NFIA: variants seen among roughly 807,000 people sequenced by gnomAD.
The protein encoded by NFIA is nuclear factor 1 A-type.
In NFIA, 8 loss-of-function variants were observed where a neutral mutation model predicts 62.8. That is an observed-to-expected ratio of 0.13 (90% CI 0.07 to 0.23). The LOEUF is 0.23. Ranked by LOEUF, NFIA falls within the 10% of genes least tolerant of loss-of-function variation. NFIA has a pLI of 1.00. For synonymous variants in NFIA, 235 were observed against 238.1 expected (o/e 0.99, Z 0.12); for missense variants, 410 against 642.1 (o/e 0.64, Z 3.91).
chr1:61,094,111 G>A (rs1441094781), intron 2 of NFIA, among the ~76,000 whole-genome samples: 1 of 152,198 alleles, frequency 6.6e-6, no homozygotes, highest in East Asian at 1.9e-4. Context: ...TGCAGATTGA[G>A]TTCAGTGAAT....
chr1:61,361,782 G>GGTGTGTGT (rs61410878), intron 6 of NFIA, among the ~76,000 whole-genome samples: 195 of 142,264 alleles, frequency 1.4e-3, no homozygotes, highest in African/African-American at 1.8e-3. Flanking sequence ...TTTGGTAAGA[G>GGTGTGTGT]GTGTGTGTGT....
chr1:61,160,188 G>C (rs1290623301), intron 2 of NFIA, among the ~76,000 whole-genome samples: 1 of 152,098 alleles, frequency 6.6e-6, no homozygotes, highest in Non-Finnish European at 1.5e-5. Context: ...CATCTCCCCT[G>C]GTCCCCTGTT....
chr1:61,306,328 G>A (rs1207942931), intron 3 of NFIA, among the ~76,000 whole-genome samples: 1 of 128,032 alleles, frequency 7.8e-6, no homozygotes, highest in Admixed American at 9.9e-5. Flanking sequence ...CCAGGCTGGA[G>A]TGCAGTGAAG....
intron 2 of NFIA, among the ~76,000 whole-genome samples, chr1:61,099,249 G>A (rs1043343274): frequency 7.2e-5 from 11 of 152,192 alleles, no homozygotes; most frequent in African/African-American, 2.7e-4. Context: ...TCTTGGAGGT[G>A]CTGGAGTGGG....
chr1:61,191,051 T>C (rs1651580113), intron 2 of NFIA, among the ~76,000 whole-genome samples: 1 of 152,118 alleles, frequency 6.6e-6, no homozygotes, highest in East Asian at 1.9e-4. Flanking sequence ...TTTTTTTTTT[T>C]TCAAGCAAGC....
In NFIA at chr1:61,367,584, G is replaced by A. The variant is rs80267365; in HGVS notation, c.946+8310G>A. ...CAGTAACAAGGGGCCTCTTCTTTAC[G>A]AACCCTTCTTTATCAGAGAAATTTC... is the stretch of plus-strand genomic sequence containing the variant. On this transcript the variant is annotated intron_variant, in intron 6 of 10. Transcript: ENST00000403491. Among the ~76,000 whole-genome samples the A allele has an allele frequency of 2.6e-3, 390 of 152,220 alleles. 3 individuals carry two copies. The highest frequency in any genetic ancestry group is 9.0e-3 in the African/African-American group (375 of 41,514).
At chr1:61,415,279 A>G (rs929597471) in intron 9 of NFIA, among the ~76,000 whole-genome samples, 2 of 152,182 alleles carry the variant, frequency 1.3e-5, no homozygotes, top group Non-Finnish European at 2.9e-5. Context: ...AAGAAAATAC[A>G]GGGCAAATTT....
chr1:61,243,125 A>G lies in NFIA; in HGVS notation c.560-34395A>G, dbSNP rs191096504. 4.4e-3 allele frequency among the ~76,000 whole-genome samples: 675 copies of G among 152,288 alleles called. 10 individuals carry two copies. Among genetic ancestry groups the G allele is most frequent in the African/African-American group, 0.016 (650 of 41,558 alleles). ...GTAAGCAATTGTCAACCAAGGCCCA[A>G]TCATTCAATAGGTAAAACCAAATGT... On this transcript the variant is annotated intron_variant, in intron 2 of 10. Transcript: ENST00000403491.
upstream of NFIA, among the ~76,000 whole-genome samples, chr1:61,078,036 T>G (rs1487583638): frequency 6.6e-6 from 1 of 152,052 alleles, no homozygotes; most frequent in Non-Finnish European, 1.5e-5. Flanking sequence ...GGAGAATAAT[T>G]GACGATTTGA....
intron 2 of NFIA, among the ~76,000 whole-genome samples, chr1:61,221,357 A>C (rs1654007458): frequency 6.6e-6 from 1 of 152,130 alleles, no homozygotes; most frequent in South Asian, 2.1e-4. Context: ...TGCTTCCAGA[A>C]AGATAATTTG....
intron 10 of NFIA, among the ~76,000 whole-genome samples, chr1:61,445,441 C>A (rs1667765178): frequency 6.6e-6 from 1 of 152,086 alleles, no homozygotes; most frequent in Non-Finnish European, 1.5e-5. Flanking sequence ...GGAAATAAAT[C>A]TGAACATAAA....
At chr1:61,451,874 C>T (rs566160159) in intron 10 of NFIA, among the ~76,000 whole-genome samples, 1 of 152,262 alleles carries the variant, frequency 6.6e-6, no homozygotes, top group South Asian at 2.1e-4. Context: ...GAAACCTAAG[C>T]TTATGTCACT....
intron 2 of NFIA, among the ~76,000 whole-genome samples, chr1:61,214,265 C>G (rs557478147): frequency 4.6e-5 from 7 of 151,970 alleles, no homozygotes; most frequent in African/African-American, 1.7e-4. Context: ...ATGTTCCTTG[C>G]TGGAAGTTGC....
intron 7 of NFIA, among the ~76,000 whole-genome samples, chr1:61,389,999 C>G (rs528523620): frequency 1.3e-5 from 2 of 152,196 alleles, no homozygotes; most frequent in East Asian, 3.9e-4. Flanking sequence ...GTAGAGTGAA[C>G]AAGAGAAGCA....
chr1:61,460,305 C>T lies in NFIA; in HGVS notation c.*4985C>T, dbSNP rs1355314868. ...TAAAAAAGCAGTGGGATGAAAATTG[C>T]TTTGATATATAGCAGGTAACATTGA... is the stretch of plus-strand genomic sequence containing the variant. On this transcript the variant is annotated 3_prime_UTR_variant, in exon 11 of 11. Coordinates refer to ENST00000403491, the MANE Select transcript of NFIA (RefSeq NM_001134673.4). The T allele has an allele frequency of 6.6e-6, 1 of 151,888 alleles. No homozygotes were observed. Among genetic ancestry groups the T allele is most frequent in the Non-Finnish European group, 1.5e-5 (1 of 67,954 alleles). 9.4% of individuals were successfully genotyped at this position (151,888 alleles called of 1,614,324 possible). A position where few individuals can be genotyped will look rare whatever the true frequency, so the allele number is the denominator to read the frequency against.
intron 4 of NFIA, among the ~76,000 whole-genome samples, chr1:61,341,248 A>G (rs942939748): frequency 1.3e-5 from 2 of 151,682 alleles, no homozygotes; most frequent in African/African-American, 4.8e-5. Flanking sequence ...TATTTTTAGT[A>G]GAGACGGGGT....
chr1:61,082,537 G>C (rs1242164893), upstream of NFIA: 3 of 1,421,638 alleles, frequency 2.1e-6, no homozygotes, highest in Admixed American at 5.6e-5. Flanking sequence ...GGCATGTATA[G>C]TGGAGTGTAG....
chr1:61,276,220 T>A (rs919012964), intron 2 of NFIA, among the ~76,000 whole-genome samples: 1 of 152,230 alleles, frequency 6.6e-6, no homozygotes, highest in Admixed American at 6.5e-5. Flanking sequence ...CACTTTCTTA[T>A]AAGTAAAATC....
At chr1:61,189,613 C>G (rs769998289) in intron 2 of NFIA, among the ~76,000 whole-genome samples, 2 of 152,086 alleles carry the variant, frequency 1.3e-5, no homozygotes, top group South Asian at 2.1e-4. Flanking sequence ...TGCAGTGAGC[C>G]GAGATCGGGC....
Sources: allele counts gnomAD v4.1 joint callset (sites outside exome capture counted in the v4.1 genomes callset), GRCh38; gene constraint gnomAD v4.1.1; transcripts MANE v1.5; gene names NCBI Gene and HGNC (gene_info 2026-07-23, HGNC 2026-07-21).